GPC5: variants seen among roughly 807,000 people sequenced by gnomAD.
GPC5 encodes glypican-5.
GPC5 carries 47 observed loss-of-function variants against 53.9 expected under a neutral mutation model. That is an observed-to-expected ratio of 0.87 (90% CI 0.69 to 1.11). GPC5 has a LOEUF of 1.11. Ranked by LOEUF, GPC5 falls within the 50% of genes most tolerant of loss-of-function variation. GPC5 has a pLI of 0.00. For missense variants in GPC5, 748 were observed against 713.1 expected (o/e 1.05, Z -0.56); for synonymous variants, 286 against 263.3 (o/e 1.09, Z -0.84).
chr13:92,157,964 T>C lies in GPC5; in HGVS notation c.1561+12975T>C, dbSNP rs867703444. ...TCAGTAAATACATTAAAATGAACTG[T>C]AAAAAATACATAAAATTGAGAAATA... On this transcript the variant is annotated intron_variant, in intron 7 of 7. Transcript: ENST00000377067. 1.1e-4 allele frequency among the ~76,000 whole-genome samples: 16 copies of C among 152,172 alleles called. 1 individual carries two copies. The Middle Eastern group carries it at 0.014, about 129-fold the overall frequency.
intron 5 of GPC5, among the ~76,000 whole-genome samples, chr13:91,761,911 T>G (rs748970604): frequency 3.9e-5 from 6 of 152,168 alleles, no homozygotes; most frequent in Admixed American, 6.5e-5. Context: ...GTCCCAACCC[T>G]CTAATCATGC....
chr13:92,445,421 T>C (rs1877769895), intron 7 of GPC5, among the ~76,000 whole-genome samples: 1 of 150,860 alleles, frequency 6.6e-6, no homozygotes, highest in African/African-American at 2.4e-5. Flanking sequence ...CCCATTAACT[T>C]GTCATTTAGC....
chr13:91,618,654 A>AT (rs5805709), intron 2 of GPC5, among the ~76,000 whole-genome samples: 203 of 150,136 alleles, frequency 1.4e-3, no homozygotes, highest in African/African-American at 4.3e-3. Context: ...AATAACACAT[A>AT]TTTTTTTTTT....
intron 7 of GPC5, among the ~76,000 whole-genome samples, chr13:92,659,820 G>T (rs1886275974): frequency 6.6e-6 from 1 of 152,198 alleles, no homozygotes; most frequent in South Asian, 2.1e-4. Flanking sequence ...AGTGATAGCT[G>T]ATCTGGGATA....
intron 6 of GPC5, among the ~76,000 whole-genome samples, chr13:91,948,949 C>T (rs2040001292): frequency 6.6e-6 from 1 of 152,022 alleles, no homozygotes; most frequent in Admixed American, 6.5e-5. Context: ...GTCAGTGGTA[C>T]AGCTTACTAA....
chr13:91,777,598 A>G (rs1249046189), intron 5 of GPC5, among the ~76,000 whole-genome samples: 2 of 152,222 alleles, frequency 1.3e-5, no homozygotes, highest in Non-Finnish European at 2.9e-5. Context: ...AAAGTTGTTA[A>G]TAGATTTCTT....
chr13:91,872,132 C>T (rs2039152108), intron 5 of GPC5, among the ~76,000 whole-genome samples: 2 of 152,044 alleles, frequency 1.3e-5, no homozygotes, highest in Admixed American at 1.3e-4. Flanking sequence ...AACTAGAAGA[C>T]AGTGACAGTG....
At chr13:92,709,773 T>A (rs1264895433) in intron 7 of GPC5, among the ~76,000 whole-genome samples, 1 of 152,194 alleles carries the variant, frequency 6.6e-6, no homozygotes, top group East Asian at 1.9e-4. Flanking sequence ...TGGGCAGAGA[T>A]GTATACTTCT....
intron 5 of GPC5, among the ~76,000 whole-genome samples, chr13:91,793,967 T>A (rs2990005): frequency 0.36 from 54,680 of 151,954 alleles, 11,161 homozygotes; most frequent in African/African-American, 0.56. Flanking sequence ...AAACCATATC[T>A]CCCCTCTGGT....
At chr13:92,796,668 C>T (rs2038627344) in intron 7 of GPC5, among the ~76,000 whole-genome samples, 1 of 151,886 alleles carries the variant, frequency 6.6e-6, no homozygotes, top group African/African-American at 2.4e-5. Flanking sequence ...AAATGACAAT[C>T]TACTTACTTT....
At chr13:92,136,863 G>T (rs1260370408) in intron 6 of GPC5, among the ~76,000 whole-genome samples, 1 of 152,178 alleles carries the variant, frequency 6.6e-6, no homozygotes, top group Non-Finnish European at 1.5e-5. Flanking sequence ...TAATTCACCA[G>T]CTGAAAGAAG....
At chr13:91,790,039 A>T (rs1297428382) in intron 5 of GPC5, among the ~76,000 whole-genome samples, 2 of 152,238 alleles carry the variant, frequency 1.3e-5, no homozygotes, top group African/African-American at 4.8e-5. Flanking sequence ...CCTCTTAAAG[A>T]CTTAATCATC....
At chr13:92,103,225 A>T (rs2041481011) in intron 6 of GPC5, among the ~76,000 whole-genome samples, 1 of 152,110 alleles carries the variant, frequency 6.6e-6, no homozygotes, top group Non-Finnish European at 1.5e-5. Flanking sequence ...AGGAGGTTTG[A>T]CAAAGGAAAA....
chr13:92,620,783 A>C (rs1884843872), intron 7 of GPC5, among the ~76,000 whole-genome samples: 1 of 152,124 alleles, frequency 6.6e-6, no homozygotes, highest in African/African-American at 2.4e-5. Context: ...CACTTTATTG[A>C]AGGAATGGGA....
At chr13:91,866,246 G>T (rs561738363) in intron 5 of GPC5, among the ~76,000 whole-genome samples, 1 of 152,226 alleles carries the variant, frequency 6.6e-6, no homozygotes, top group Admixed American at 6.5e-5. Context: ...TAATTTGCTT[G>T]ATGGTTGAAA....
intron 7 of GPC5, among the ~76,000 whole-genome samples, chr13:92,197,271 A>C (rs2042263051): frequency 6.6e-6 from 1 of 152,182 alleles, no homozygotes; most frequent in African/African-American, 2.4e-5. Context: ...CTTCATATAG[A>C]GGGATATATG....
chr13:91,826,209 A>T (rs2138845018), intron 5 of GPC5, among the ~76,000 whole-genome samples: 1 of 151,810 alleles, frequency 6.6e-6, no homozygotes, highest in East Asian at 1.9e-4. Flanking sequence ...TACATGTTGC[A>T]TTTAGCAGAT....
intron 6 of GPC5, among the ~76,000 whole-genome samples, chr13:92,138,554 A>G (rs1200057833): frequency 6.6e-6 from 1 of 151,922 alleles, no homozygotes; most frequent in Non-Finnish European, 1.5e-5. Context: ...AAAAAAATAA[A>G]AATAAAAATA....
At chr13:92,315,358 G>GTA (rs1330195419) in intron 7 of GPC5, among the ~76,000 whole-genome samples, 1 of 152,056 alleles carries the variant, frequency 6.6e-6, no homozygotes, top group Non-Finnish European at 1.5e-5. Flanking sequence ...TGAATAATTG[G>GTA]TAAGGACACC....
Sources: gnomAD v4.1 joint callset for allele counts (sites outside exome capture counted in the v4.1 genomes callset) on GRCh38, gnomAD v4.1.1 for gene constraint, MANE v1.5 for transcripts, NCBI Gene and HGNC (gene_info 2026-07-23, HGNC 2026-07-21) for gene names.